Variants in UNC5A observed in about 807,000 individuals in gnomAD.
UNC5A encodes unc-5 netrin receptor A.
A neutral mutation model predicts 87.4 loss-of-function variants in UNC5A; 20 were observed. The ratio of observed to expected loss-of-function variants is 0.23; its 90% CI spans 0.16 to 0.33. UNC5A has a LOEUF of 0.33. UNC5A is among the 10% of genes least tolerant of loss of function. The probability of loss-of-function intolerance (pLI) is 1.00; values close to 1 mark genes in which losing one functional copy is unlikely to be tolerated. For synonymous variants in UNC5A, 438 were observed against 482.3 expected, an observed-to-expected ratio of 0.91 and a Z score of 1.20; for missense variants, 844 against 1,133.4, an observed-to-expected ratio of 0.74 and a Z score of 3.67.
rs111885540 is a variant in UNC5A, at chr5:176,851,924, G to A, written c.71-10700G>A. 2.6e-4 allele frequency among the ~76,000 whole-genome samples: 39 copies of A among 152,300 alleles called. 1 individual carries two copies. Among genetic ancestry groups the A allele is most frequent in the African/African-American group, 7.7e-4 (32 of 41,552 alleles). On this transcript the variant is annotated intron_variant, in intron 1 of 14. Coordinates refer to ENST00000329542, the MANE Select transcript of UNC5A (RefSeq NM_133369.3). Reference sequence around the variant, plus strand: ...GAGTTACCTCCATCCGTGGGCAGTCGGGTGATCTGCCCCGGCTCTGCCATG... The same window carrying A: ...GAGTTACCTCCATCCGTGGGCAGTCAGGTGATCTGCCCCGGCTCTGCCATG...
rs138151702 is a variant in UNC5A, at chr5:176,877,548, G to T, written c.1480G>T (p.Gly494Cys). The T allele has an allele frequency of 1.3e-6, 2 of 1,595,590 alleles. No homozygotes were observed. The highest frequency in any genetic ancestry group is 1.1e-5 in the South Asian group (1 of 89,602). The change falls in exon 10 of 15, where the codon GGC becomes TGC. Residue 494 changes from glycine (G) to cysteine (C), a missense_variant. Coordinates refer to ENST00000329542, the MANE Select transcript of UNC5A (RefSeq NM_133369.3). ...TCCCCACTTGAGGTTGCCCCTAGCTGGCTGTCAGACCCTGCTGAGTCCCAT... is the reference window on the plus strand; with the variant it reads ...TCCCCACTTGAGGTTGCCCCTAGCTTGCTGTCAGACCCTGCTGAGTCCCAT... Reference protein sequence around the residue: ...KPEDVRLPLAGCQTLLSPIVS... With the variant: ...KPEDVRLPLACCQTLLSPIVS...
At position 176,810,584 on chromosome 5, in the gene UNC5A, G is replaced by A. The variant is rs1756418901; in HGVS notation, c.-167G>A. The stretch of plus-strand genomic sequence containing the variant: ...GCATTGCTGCGCTCCCGTGCCCAAG[G>A]GAGCCACGCGCCGCGTGCGCCCGGC... On this transcript the variant is annotated 5_prime_UTR_variant, in exon 1 of 15. Coordinates refer to ENST00000329542, the MANE Select transcript of UNC5A (RefSeq NM_133369.3). This position sits in a 1 kb window ranked among gnomAD's most constrained non-coding sequence, Gnocchi z 7.3. 6.7e-6 allele frequency: 1 copy of A among 149,234 alleles called. No homozygotes were observed. The highest frequency in any genetic ancestry group is 1.5e-5 in the Non-Finnish European group (1 of 67,986). The allele number at this position is 149,234 out of a possible 1,614,324, so 9.2% of individuals were successfully genotyped here.
At chr5:176,868,722 A>G in intron 4 of UNC5A, 58 bp downstream of exon 4, 1 of 1,589,086 alleles carries the variant, frequency 6.3e-7, no homozygotes, top group African/African-American at 1.3e-5. Context: ...TCACCCTGGC[A>G]GGGGCCACTC....
rs1581245202 is a variant in UNC5A, at chr5:176,824,812, A to C, written c.70+13992A>C. Among the ~76,000 whole-genome samples, 2 of 91,508 alleles carry C rather than the reference A, an allele frequency of 2.2e-5. No individual in the cohort carries two copies. Among genetic ancestry groups the C allele is most frequent in the African/African-American group, 4.4e-5 (1 of 22,718 alleles). The allele number at this position is 91,508 out of a possible 152,430, so 60.0% of individuals were successfully genotyped here. ...GTGCCCCCTGCTCTGTGTACCCCCT[A>C]CCTTGTGTACTCTCTGTCCCAGGCA... is the stretch of plus-strand genomic sequence containing the variant. On this transcript the variant is annotated intron_variant, in intron 1 of 14. Coordinates refer to ENST00000329542, the MANE Select transcript of UNC5A (RefSeq NM_133369.3). The surrounding 1 kb of genome is among the most constrained non-coding windows in gnomAD (Gnocchi z 4.2).
chr5:176,833,007 A>G (rs911565802), intron 1 of UNC5A, among the ~76,000 whole-genome samples: 2 of 152,202 alleles, frequency 1.3e-5, no homozygotes, highest in African/African-American at 4.8e-5. Context: ...TTCCCTCCCC[A>G]GTGCCACACA....
chr5:176,845,041 G>A (rs1757369981), intron 1 of UNC5A, among the ~76,000 whole-genome samples: 1 of 152,172 alleles, frequency 6.6e-6, no homozygotes, highest in Non-Finnish European at 1.5e-5. Context: ...TGGCTGCACC[G>A]CCATCTACTC....
Position 176,877,716 on chromosome 5 carries a change from C to G in UNC5A, c.1635+13C>G, listed in dbSNP as rs1474539962. On this transcript the variant is annotated intron_variant, in intron 10 of 14. Transcript: ENST00000329542. ...GGGCAGCTGGGAGGTGAGCAGGGAA[C>G]TGACCCGGGCTCCAGAAGGGAACGT... 1.3e-6 allele frequency: 2 copies of G among 1,580,294 alleles called. No individual in the cohort carries two copies. Among genetic ancestry groups the G allele is most frequent in the African/African-American group, 1.3e-5 (1 of 74,254 alleles).
chr5:176,857,356 G>C (rs1197389785), intron 1 of UNC5A, among the ~76,000 whole-genome samples: 1 of 152,140 alleles, frequency 6.6e-6, no homozygotes, highest in East Asian at 1.9e-4. Context: ...GAAGAAGGTG[G>C]CATCCGTCCC....
intron 1 of UNC5A, among the ~76,000 whole-genome samples, chr5:176,847,729 G>T (rs184898289): frequency 0.017 from 2,646 of 151,826 alleles, 39 homozygotes; most frequent in South Asian, 0.043. Context: ...TTTTTATTAA[G>T]ATTTAAATAT....
At chr5:176,847,304 G>C (rs1488551943) in intron 1 of UNC5A, among the ~76,000 whole-genome samples, 1 of 152,154 alleles carries the variant, frequency 6.6e-6, no homozygotes, top group East Asian at 1.9e-4. Context: ...TGGGACTGAT[G>C]GGAGAGCCGG....
At chr5:176,833,269 C>T (rs900294543) in intron 1 of UNC5A, among the ~76,000 whole-genome samples, 1 of 152,132 alleles carries the variant, frequency 6.6e-6, no homozygotes, top group African/African-American at 2.4e-5. Context: ...GAGGACAGTG[C>T]CTGATGGGTA....
At chr5:176,818,322 C>G (rs1452214001) in intron 1 of UNC5A, among the ~76,000 whole-genome samples, 1 of 152,234 alleles carries the variant, frequency 6.6e-6, no homozygotes. Flanking sequence ...CACCGACTTG[C>G]CCCAGGTCCC....
chr5:176,855,061 C>T (rs557993259), intron 1 of UNC5A, among the ~76,000 whole-genome samples: 2 of 152,358 alleles, frequency 1.3e-5, no homozygotes, highest in South Asian at 4.1e-4. Context: ...AATGTACTGG[C>T]TCATGCTCTG....
rs1757347548 is a variant in UNC5A, at chr5:176,844,237, A to G, written c.71-18387A>G. Among the ~76,000 whole-genome samples, 1 of 152,134 alleles carries G rather than the reference A, an allele frequency of 6.6e-6. No homozygotes were observed. The highest frequency in any genetic ancestry group is 1.5e-5 in the Non-Finnish European group (1 of 68,014). ...CCAGGCCTTGCCTGATCCTCAGGAC[A>G]GAGCTGGAGAGAACACTTGGTCCTG... On this transcript the variant is annotated intron_variant, in intron 1 of 14. Coordinates refer to ENST00000329542, the MANE Select transcript of UNC5A (RefSeq NM_133369.3). This position sits in a 1 kb window ranked among gnomAD's most constrained non-coding sequence, Gnocchi z 4.2.
chr5:176,855,830 C>T (rs1757654194), intron 1 of UNC5A, among the ~76,000 whole-genome samples: 1 of 152,230 alleles, frequency 6.6e-6, no homozygotes, highest in Admixed American at 6.5e-5. Context: ...ATCCAGGGCT[C>T]AGGGGTGCAA....
chr5:176,829,200 GGATGGT>G (rs1277783851), intron 1 of UNC5A, among the ~76,000 whole-genome samples: 12 of 27,012 alleles, frequency 4.4e-4, no homozygotes, highest in Admixed American at 1.0e-3. Flanking sequence ...ATGGATGGAT[GGATGGT>G]TGGATGGATG....
At chr5:176,846,912 G>A (rs947192242) in intron 1 of UNC5A, among the ~76,000 whole-genome samples, 1 of 152,200 alleles carries the variant, frequency 6.6e-6, no homozygotes, top group Non-Finnish European at 1.5e-5. Context: ...TGAGAGGCTG[G>A]AGCGCATCTC....
At chr5:176,839,392 G>A (rs1031527724) in intron 1 of UNC5A, among the ~76,000 whole-genome samples, 10 of 152,274 alleles carry the variant, frequency 6.6e-5, no homozygotes, top group Non-Finnish European at 1.3e-4. Flanking sequence ...AGTGAGGAGA[G>A]TGGACATGCC....
rs1757987552 is a variant in UNC5A, at chr5:176,866,858, C to T, written c.293-1272C>T. The stretch of plus-strand genomic sequence containing the variant: ...GGTGCCCAGAACGGAGGGAAGCGGC[C>T]CAGCTACCATGATCTCACCAGAGGT... On this transcript the variant is annotated intron_variant, in intron 2 of 14. Transcript: ENST00000329542. The surrounding 1 kb of genome is among the most constrained non-coding windows in gnomAD (Gnocchi z 5.0). 6.6e-6 allele frequency among the ~76,000 whole-genome samples: 1 copy of T among 152,114 alleles called. No individual in the cohort carries two copies. Among genetic ancestry groups the T allele is most frequent in the South Asian group, 2.1e-4 (1 of 4,828 alleles).
Sources: allele counts gnomAD v4.1 joint callset (sites outside exome capture counted in the v4.1 genomes callset), GRCh38; gene constraint gnomAD v4.1.1; non-coding constraint Gnocchi (gnomAD v3.1); transcripts MANE v1.5; gene names NCBI Gene and HGNC (gene_info 2026-07-23, HGNC 2026-07-21).